Variants in CSMD1 observed in about 807,000 individuals in gnomAD.
CSMD1 encodes CUB and sushi domain-containing protein 1.
In CSMD1, 213 loss-of-function variants were observed where a neutral mutation model predicts 417.5. The ratio of observed to expected loss-of-function variants is 0.51; its 90% CI spans 0.46 to 0.57. The LOEUF (loss-of-function observed/expected upper bound fraction) is 0.57, where lower values mean the gene tolerates loss of function less well. Among genes scored for constraint, CSMD1 ranks in the 20% least tolerant of loss-of-function variants. The probability of loss-of-function intolerance (pLI) is 0.00; values close to 1 mark genes in which losing one functional copy is unlikely to be tolerated. For missense variants in CSMD1, 6,923 were observed against 4,529.7 expected (o/e 1.53, Z -15.17); for synonymous variants, 2,862 against 1,736.8 (o/e 1.65, Z -16.11).
At chr8:4,839,316 A>T (rs908282776) in intron 1 of CSMD1, among the ~76,000 whole-genome samples, 10 of 152,240 alleles carry the variant, frequency 6.6e-5, no homozygotes, top group African/African-American at 2.4e-4. Flanking sequence ...AGGGACAAGA[A>T]ATAAGATAGC....
chr8:4,848,572 T>A (rs1801283134), intron 1 of CSMD1, among the ~76,000 whole-genome samples: 1 of 151,604 alleles, frequency 6.6e-6, no homozygotes. Flanking sequence ...GGAGTCTCAC[T>A]CTGTCACCCA....
chr8:4,153,201 C>G (rs945370470), intron 3 of CSMD1, among the ~76,000 whole-genome samples: 2 of 152,114 alleles, frequency 1.3e-5, no homozygotes, highest in Non-Finnish European at 2.9e-5. Flanking sequence ...CCTGCTTTGC[C>G]GCTAACTCAG....
intron 2 of CSMD1, among the ~76,000 whole-genome samples, chr8:4,614,994 C>T (rs1801393618): frequency 6.6e-6 from 1 of 152,040 alleles, no homozygotes; most frequent in East Asian, 1.9e-4. Context: ...AAGTAATTTT[C>T]CCTGAAATCA....
intron 33 of CSMD1, among the ~76,000 whole-genome samples, chr8:3,199,247 T>A (rs1034912549): frequency 6.6e-6 from 1 of 152,222 alleles, no homozygotes; most frequent in South Asian, 2.1e-4. Context: ...GGATAAGAGA[T>A]GCATGCGTGA....
At chr8:4,318,203 T>G (rs1799049408) in intron 3 of CSMD1, among the ~76,000 whole-genome samples, 1 of 152,236 alleles carries the variant, frequency 6.6e-6, no homozygotes, top group South Asian at 2.1e-4. Flanking sequence ...ATGTGAATGA[T>G]AATTATTACA....
intron 1 of CSMD1, among the ~76,000 whole-genome samples, chr8:4,844,214 G>A (rs1396283970): frequency 3.3e-5 from 5 of 152,070 alleles, no homozygotes; most frequent in Admixed American, 2.6e-4. Flanking sequence ...GTAGGCACCT[G>A]GTAATTTCAA....
chr8:3,492,537 G>A (rs574538419), intron 11 of CSMD1, among the ~76,000 whole-genome samples: 3 of 151,178 alleles, frequency 2.0e-5, no homozygotes, highest in Admixed American at 6.6e-5. Flanking sequence ...TGCAAAGGCA[G>A]ATAAGAGCAG....
chr8:3,218,648 G>T (rs1160529620), intron 29 of CSMD1, among the ~76,000 whole-genome samples: 3 of 151,902 alleles, frequency 2.0e-5, no homozygotes, highest in South Asian at 2.1e-4. Flanking sequence ...GAGGCAGGTG[G>T]ATCACCTGAG....
At chr8:4,207,712 G>C (rs1479638936) in intron 3 of CSMD1, among the ~76,000 whole-genome samples, 3 of 152,074 alleles carry the variant, frequency 2.0e-5, no homozygotes, top group East Asian at 1.9e-4. Flanking sequence ...TTTCTGATGA[G>C]TGTATTAATA....
At chr8:2,955,462 G>T (rs1802930713) in intron 64 of CSMD1, 127 bp downstream of exon 64, 2 of 796,328 alleles carry the variant, frequency 2.5e-6, no homozygotes, top group South Asian at 1.8e-5. Context: ...CACGACTGAG[G>T]CAGGTGGCGA....
chr8:3,224,515 T>C (rs1371505915), intron 27 of CSMD1, among the ~76,000 whole-genome samples: 2 of 152,166 alleles, frequency 1.3e-5, no homozygotes, highest in African/African-American at 4.8e-5. Context: ...TATTTCAAAG[T>C]GGCAAAACAA....
At chr8:3,927,922 T>C (rs2554663) in intron 5 of CSMD1, among the ~76,000 whole-genome samples, 95,401 of 151,942 alleles carry the variant, frequency 0.63, 30,231 homozygotes, top group African/African-American at 0.72. Flanking sequence ...TTACATCAAA[T>C]TCTTTGTTTT....
In CSMD1 at chr8:2,961,171, A is replaced by G; in HGVS notation, c.9672T>C (p.Phe3224=). 1 of 1,603,472 alleles carries G rather than the reference A, an allele frequency of 6.2e-7. No homozygotes were observed. Among genetic ancestry groups the G allele is most frequent in the South Asian group, 1.1e-5 (1 of 89,982 alleles). The change falls in exon 62 of 70, where the codon TTT becomes TTC. Residue 3224 remains phenylalanine, a synonymous_variant. Coordinates refer to ENST00000635120, the MANE Select transcript of CSMD1 (RefSeq NM_033225.6). ...AGCCTCTGGAGCTATTCTGTATTCC[A>G]AAGTGTGGCGTACCAGGGTCTGGGC... ...NTCPDPGTPH[F]GIQNSSRGYE...
intron 2 of CSMD1, among the ~76,000 whole-genome samples, chr8:4,434,870 A>G (rs1378034095): frequency 1.3e-5 from 2 of 152,152 alleles, no homozygotes; most frequent in African/African-American, 2.4e-5. Context: ...AACAAACTAC[A>G]TCTTTTTCCT....
At chr8:2,992,324 T>G (rs963210867) in intron 54 of CSMD1, among the ~76,000 whole-genome samples, 1 of 152,130 alleles carries the variant, frequency 6.6e-6, no homozygotes, top group African/African-American at 2.4e-5. Context: ...ATCTGGGAAC[T>G]AGACAGAGGT....
At chr8:3,299,221 G>A (rs1804197347) in intron 25 of CSMD1, among the ~76,000 whole-genome samples, 1 of 152,190 alleles carries the variant, frequency 6.6e-6, no homozygotes, top group African/African-American at 2.4e-5. Context: ...GGAGGCCGAG[G>A]TGGGTGGATC....
At chr8:3,261,902 A>G (rs1278250996) in intron 26 of CSMD1, among the ~76,000 whole-genome samples, 6 of 151,994 alleles carry the variant, frequency 3.9e-5, no homozygotes, top group African/African-American at 1.5e-4. Flanking sequence ...GTGGGATCCT[A>G]TTCCTGGGGG....
At chr8:4,172,927 G>A (rs1002543075) in intron 3 of CSMD1, among the ~76,000 whole-genome samples, 2 of 152,200 alleles carry the variant, frequency 1.3e-5, no homozygotes, top group Non-Finnish European at 2.9e-5. Context: ...CAAGTTAACA[G>A]CAACTTACAG....
intron 10 of CSMD1, among the ~76,000 whole-genome samples, chr8:3,495,138 G>T (rs1015134420): frequency 6.6e-6 from 1 of 152,190 alleles, no homozygotes; most frequent in Non-Finnish European, 1.5e-5. Context: ...AGGTGTCGAG[G>T]TTGATAGCTG....
Sources: gnomAD v4.1 joint callset for allele counts (sites outside exome capture counted in the v4.1 genomes callset) on GRCh38, gnomAD v4.1.1 for gene constraint, MANE v1.5 for transcripts, NCBI Gene and HGNC (gene_info 2026-07-23, HGNC 2026-07-21) for gene names.